Variants in NDE1 observed in about 807,000 individuals in gnomAD.
NDE1 encodes the protein nuclear distribution protein nudE homolog 1.
A neutral mutation model predicts 43.4 loss-of-function variants in NDE1; 28 were observed. The observed-to-expected ratio is 0.65, with a 90% CI of 0.48 to 0.89. The LOEUF is 0.89. NDE1 is among the 40% of genes least tolerant of loss of function. The pLI is 0.00. For missense variants in NDE1, 441 were observed against 434.1 expected (o/e 1.02, Z -0.14); for synonymous variants, 184 against 172.0 (o/e 1.07, Z -0.55).
chr16:15,684,453 TGTG>T lies in NDE1; in HGVS notation c.387-2915_387-2913del, dbSNP rs1055892884. On this transcript the variant is annotated intron_variant, in intron 4 of 8. Transcript: ENST00000396354. ...ACTAAAAATACAAAAATTAGCAGGA[TGTG>T]GTGGTGCGTGCCTGTAATCCCAGCT... The T allele has an allele frequency of 3.3e-5, 5 of 150,682 alleles. No homozygotes were observed. In the East Asian group the frequency reaches 7.9e-4, roughly 24 times the overall value. The allele number at this position is 150,682 out of a possible 1,614,324, so 9.3% of individuals were successfully genotyped here. A position where few individuals can be genotyped will look rare whatever the true frequency, so the allele number is the denominator to read the frequency against.
At chr16:15,644,844 G>A (rs894568562) in intron 1 of NDE1, among the ~76,000 whole-genome samples, 2 of 151,154 alleles carry the variant, frequency 1.3e-5, no homozygotes, top group Non-Finnish European at 2.9e-5. Context: ...GTAATTGTAG[G>A]TTTCTAATTG....
chr16:15,649,524 C>T (rs2036401951), upstream of NDE1: 1 of 152,228 alleles, frequency 6.6e-6, no homozygotes, highest in African/African-American at 2.4e-5. Context: ...GACGGGGTTT[C>T]ACCATGTGCC....
intron 8 of NDE1, chr16:15,718,086 G>C (rs867085461): frequency 1.5e-6 from 1 of 658,702 alleles, no homozygotes; most frequent in African/African-American, 1.8e-5. Context: ...AGCCAGCCAC[G>C]CCGTGGCTGG....
In NDE1 at chr16:15,715,099, A is replaced by AG. The variant is rs759257352; in HGVS notation, c.948-9088dup. 2.7e-6 allele frequency: 4 copies of AG among 1,470,692 alleles called. No homozygotes were observed. Among genetic ancestry groups the AG allele is most frequent in the Admixed American group, 1.8e-5 (1 of 55,372 alleles). The allele number at this position is 1,470,692 out of a possible 1,614,324, so 91.1% of individuals were successfully genotyped here. A position where few individuals can be genotyped will look rare whatever the true frequency, so the allele number is the denominator to read the frequency against. On this transcript the variant is annotated intron_variant, in intron 8 of 8. Coordinates refer to ENST00000396354, the MANE Select transcript of NDE1 (RefSeq NM_017668.3). Reference sequence around the variant, plus strand: ...TTCTCTGCCTGTCGCGGAGAGTTGGAGGGGTGGTTAGGGGAGGCCGGCTGG... The same window carrying AG: ...TTCTCTGCCTGTCGCGGAGAGTTGGAGGGGGTGGTTAGGGGAGGCCGGCTGG...
chr16:15,671,684 TTTG>T (rs902060704), intron 3 of NDE1, among the ~76,000 whole-genome samples: 46 of 152,122 alleles, frequency 3.0e-4, no homozygotes, highest in African/African-American at 8.4e-4. Context: ...TATCGTTCTT[TTTG>T]TTGTTGTTGT....
At chr16:15,645,804 G>A (rs1453109343), upstream of NDE1, among the ~76,000 whole-genome samples, 2 of 152,098 alleles carry the variant, frequency 1.3e-5, no homozygotes, top group Admixed American at 1.3e-4. Context: ...TATTTAAGTA[G>A]CTACTTTACA....
intron 3 of NDE1, among the ~76,000 whole-genome samples, chr16:15,669,161 A>G (rs550878770): frequency 6.9e-6 from 1 of 143,912 alleles, no homozygotes; most frequent in African/African-American, 2.8e-5. Flanking sequence ...CAGCCTCCCA[A>G]AGTGCTGGGA....
At position 15,663,259 on chromosome 16, in the gene NDE1, A is replaced by G. The variant is rs556406395; in HGVS notation, c.-43-1477A>G. ...TCATATTCTTTTTTTTTTTTTTTTG[A>G]GACGGAGTCTCATTCTGTCGCCCAG... On this transcript the variant is annotated intron_variant, in intron 1 of 8. Transcript: ENST00000396354. 6.0e-5 allele frequency among the ~76,000 whole-genome samples: 8 copies of G among 132,992 alleles called. No individual in the cohort carries two copies. In the South Asian group the frequency reaches 7.0e-4, roughly 12 times the overall value. 87.2% of individuals were successfully genotyped at this position (132,992 alleles called of 152,430 possible). A position where few individuals can be genotyped will look rare whatever the true frequency, so the allele number is the denominator to read the frequency against.
intron 3 of NDE1, 32 bp from the exon 4 acceptor site, chr16:15,677,769 G>A: frequency 6.2e-7 from 1 of 1,613,694 alleles, no homozygotes; most frequent in Non-Finnish European, 8.5e-7. Context: ...GAAGTCTTAA[G>A]TCATTCACTC....
At chr16:15,661,660 T>C (rs1050411651) in intron 1 of NDE1, among the ~76,000 whole-genome samples, 1 of 151,056 alleles carries the variant, frequency 6.6e-6, no homozygotes, top group Non-Finnish European at 1.5e-5. Context: ...CCCAGGCTGG[T>C]CTGGAACTCC....
chr16:15,718,265 TGCAGGAGAGACAGTAG>T (rs1567689562), intron 8 of NDE1: 1 of 1,604,404 alleles, frequency 6.2e-7, no homozygotes, highest in Admixed American at 1.7e-5. Context: ...AGGATCCTGC[TGCAGGAGAGACAGTAG>T]GCAGCGTGAC....
chr16:15,696,192 T>G (rs1000898258), intron 7 of NDE1, among the ~76,000 whole-genome samples: 5 of 150,190 alleles, frequency 3.3e-5, no homozygotes, highest in Non-Finnish European at 4.4e-5. Flanking sequence ...TTTTCGTAAT[T>G]AAAAAAAATT....
chr16:15,694,399 G>A, intron 7 of NDE1, 143 bp downstream of exon 7: 1 of 1,520,622 alleles, frequency 6.6e-7, no homozygotes, highest in Non-Finnish European at 8.8e-7. Context: ...AGGCTGGAGT[G>A]TAGTGGTATG....
intron 3 of NDE1, among the ~76,000 whole-genome samples, chr16:15,670,735 T>C (rs1420629576): frequency 6.6e-6 from 1 of 151,620 alleles, no homozygotes; most frequent in Admixed American, 6.6e-5. Flanking sequence ...TGTAGGTGTA[T>C]GTGTTGCTGA....
At position 15,697,412 on chromosome 16, in the gene NDE1, A is replaced by G. The variant is rs77634956; in HGVS notation, c.947+552A>G. Among the ~76,000 whole-genome samples the G allele has an allele frequency of 7.4e-3, 1,128 of 152,240 alleles. 14 individuals carry two copies. Among genetic ancestry groups the G allele is most frequent in the African/African-American group, 0.026 (1,098 of 41,538 alleles). On this transcript the variant is annotated intron_variant, in intron 8 of 8. Transcript: ENST00000396354. ...GTTACACTGTGAGAATGTCCTGTATAAAAGCCCTTATTTGGGCCAGGTGTG... is the reference window on the plus strand; with the variant it reads ...GTTACACTGTGAGAATGTCCTGTATGAAAGCCCTTATTTGGGCCAGGTGTG...
In NDE1 at chr16:15,718,314, C is replaced by G; in HGVS notation, c.948-5877C>G. On this transcript the variant is annotated intron_variant, in intron 8 of 8. Transcript: ENST00000396354. ...GACTGTGGTGTCCAGGCGGCCCTCA[C>G]CTGCTGTGTGGCTTTGCGGACCCGG... 1 of 1,609,006 alleles carries G rather than the reference C, an allele frequency of 6.2e-7. No individual in the cohort carries two copies. Among genetic ancestry groups the G allele is most frequent in the Non-Finnish European group, 8.5e-7 (1 of 1,179,982 alleles).
chr16:15,705,055 C>CT (rs2039375037), intron 8 of NDE1, among the ~76,000 whole-genome samples: 1 of 152,224 alleles, frequency 6.6e-6, no homozygotes, highest in African/African-American at 2.4e-5. Flanking sequence ...TCTTGGCTCA[C>CT]TGCAACCTCT....
intron 3 of NDE1, among the ~76,000 whole-genome samples, chr16:15,677,113 C>T (rs2037921868): frequency 6.6e-6 from 1 of 152,126 alleles, no homozygotes; most frequent in African/African-American, 2.4e-5. Flanking sequence ...GTCCGTTGTG[C>T]CTGCTTTGAA....
rs200815887 is a variant in NDE1, at chr16:15,720,827, G to A, written c.948-3364G>A. 2.2e-5 allele frequency: 36 copies of A among 1,612,802 alleles called. No homozygotes were observed. Among genetic ancestry groups the A allele is most frequent in the South Asian group, 1.1e-4 (10 of 91,030 alleles). Reference sequence around the variant, plus strand: ...CCGACCTCCCTCTGCTGGCCTCCCCGGCAGCACGCACCTGTCTCTGCAGTT... The same window carrying A: ...CCGACCTCCCTCTGCTGGCCTCCCCAGCAGCACGCACCTGTCTCTGCAGTT... On this transcript the variant is annotated intron_variant, in intron 8 of 8. Transcript: ENST00000396354.
Sources: gnomAD v4.1 joint callset for allele counts (sites outside exome capture counted in the v4.1 genomes callset) on GRCh38, gnomAD v4.1.1 for gene constraint, MANE v1.5 for transcripts, NCBI Gene and HGNC (gene_info 2026-07-23, HGNC 2026-07-21) for gene names.